Variants in POU6F2 observed in about 807,000 individuals in gnomAD.
POU6F2 encodes POU domain, class 6, transcription factor 2.
POU6F2 carries 31 observed loss-of-function variants against 71.3 expected under a neutral mutation model. The observed-to-expected ratio is 0.43, with a 90% CI of 0.33 to 0.59. POU6F2 has a LOEUF of 0.59. Ranked by LOEUF, POU6F2 falls within the 20% of genes least tolerant of loss-of-function variation. POU6F2 has a pLI of 0.04. For synonymous variants in POU6F2, 347 were observed against 355.7 expected, an observed-to-expected ratio of 0.98 and a Z score of 0.27; for missense variants, 783 against 856.8, an observed-to-expected ratio of 0.91 and a Z score of 1.07.
At chr7:39,425,297 G>A (rs1285220380) in intron 6 of POU6F2, among the ~76,000 whole-genome samples, 2 of 151,828 alleles carry the variant, frequency 1.3e-5, no homozygotes, top group East Asian at 3.9e-4. Flanking sequence ...TTGGGAGTTT[G>A]GTATTTAATT....
chr7:39,381,926 A>G (rs916074679), intron 5 of POU6F2, among the ~76,000 whole-genome samples: 1 of 152,178 alleles, frequency 6.6e-6, no homozygotes, highest in African/African-American at 2.4e-5. Flanking sequence ...TAATTTCATG[A>G]CAAAGTGTAA....
At chr7:39,297,753 T>C (rs1297383576) in intron 4 of POU6F2, among the ~76,000 whole-genome samples, 1 of 152,108 alleles carries the variant, frequency 6.6e-6, no homozygotes, top group Non-Finnish European at 1.5e-5. Context: ...GACTTCAAAC[T>C]ATATTACAAG....
At chr7:39,063,749 A>G (rs1174231054) in intron 1 of POU6F2, among the ~76,000 whole-genome samples, 1 of 150,574 alleles carries the variant, frequency 6.6e-6, no homozygotes, top group African/African-American at 2.4e-5. Context: ...AAAAGAAACA[A>G]TAATTTTATA....
chr7:39,236,209 C>T (rs1218649653), intron 4 of POU6F2, among the ~76,000 whole-genome samples: 3 of 152,148 alleles, frequency 2.0e-5, no homozygotes, highest in African/African-American at 7.2e-5. Flanking sequence ...TCCCCACCTT[C>T]TACATCACAG....
intron 6 of POU6F2, among the ~76,000 whole-genome samples, chr7:39,429,352 T>C (rs1583596026): frequency 6.6e-6 from 1 of 152,186 alleles, no homozygotes; most frequent in African/African-American, 2.4e-5. Context: ...TCCCCACCTT[T>C]CTTCCTCGGA....
intron 1 of POU6F2, among the ~76,000 whole-genome samples, chr7:39,058,173 A>G (rs1007107447): frequency 2.0e-5 from 3 of 152,204 alleles, no homozygotes; most frequent in Non-Finnish European, 4.4e-5. Context: ...AGCATATTTC[A>G]GCTTGTATCC....
At chr7:39,076,418 T>C (rs1200381468) in intron 1 of POU6F2, among the ~76,000 whole-genome samples, 2 of 152,176 alleles carry the variant, frequency 1.3e-5, no homozygotes, top group Admixed American at 1.3e-4. Flanking sequence ...TTTGGAAAAG[T>C]AAATCATTGA....
At chr7:39,343,668 G>T (rs536763761) in intron 5 of POU6F2, among the ~76,000 whole-genome samples, 14 of 152,144 alleles carry the variant, frequency 9.2e-5, no homozygotes, top group Admixed American at 6.5e-4. Context: ...GGTGGAAGAG[G>T]GTAACCGGAG....
chr7:39,082,798 A>G (rs1260596246), intron 1 of POU6F2, among the ~76,000 whole-genome samples: 24 of 128,834 alleles, frequency 1.9e-4, no homozygotes. Flanking sequence ...TGTCATGCAC[A>G]CACACACACA....
At chr7:39,109,349 G>T (rs1791757979) in intron 2 of POU6F2, among the ~76,000 whole-genome samples, 1 of 152,128 alleles carries the variant, frequency 6.6e-6, no homozygotes, top group Admixed American at 6.5e-5. Flanking sequence ...TATTAATTTT[G>T]AATGAAGTAA....
intron 1 of POU6F2, among the ~76,000 whole-genome samples, chr7:39,066,811 A>G (rs1330921841): frequency 1.3e-5 from 2 of 149,672 alleles, no homozygotes; most frequent in Non-Finnish European, 3.0e-5. Context: ...TTTGACAAAG[A>G]AGAATAGCAT....
intron 4 of POU6F2, among the ~76,000 whole-genome samples, chr7:39,228,638 G>A (rs543273543): frequency 1.4e-4 from 21 of 152,318 alleles, no homozygotes; most frequent in East Asian, 7.7e-4. Context: ...GGATGCCGCC[G>A]AGGTCAATAT....
intron 8 of POU6F2, among the ~76,000 whole-genome samples, chr7:39,455,865 T>C (rs1365673724): frequency 6.6e-6 from 1 of 152,172 alleles, no homozygotes; most frequent in Non-Finnish European, 1.5e-5. Context: ...TTAGCACCCA[T>C]AAAAATCTTT....
chr7:39,023,005 G>A (rs1208325002), intron 1 of POU6F2, among the ~76,000 whole-genome samples: 1 of 152,010 alleles, frequency 6.6e-6, no homozygotes, highest in Non-Finnish European at 1.5e-5. Flanking sequence ...CCAGCACTTA[G>A]TATGGTCAGT....
chr7:39,255,094 TTTA>T (rs1212001391), intron 4 of POU6F2, among the ~76,000 whole-genome samples: 1 of 152,210 alleles, frequency 6.6e-6, no homozygotes, highest in African/African-American at 2.4e-5. Flanking sequence ...ACTATATCCT[TTTA>T]TTATAATTGA....
chr7:39,200,850 CAAGAAAAA>C (rs1793882847), intron 2 of POU6F2, among the ~76,000 whole-genome samples: 1 of 75,770 alleles, frequency 1.3e-5, no homozygotes. Flanking sequence ...TCTGTACCAA[CAAGAAAAA>C]AAGAAAAAAA....
chr7:38,980,365 A>G (rs1287244707), intron 1 of POU6F2, among the ~76,000 whole-genome samples: 1 of 152,232 alleles, frequency 6.6e-6, no homozygotes, highest in Non-Finnish European at 1.5e-5. Flanking sequence ...ATATTGTCCT[A>G]TATGTATACC....
intron 2 of POU6F2, among the ~76,000 whole-genome samples, chr7:39,135,926 A>G (rs1296815284): frequency 1.3e-5 from 2 of 152,202 alleles, no homozygotes; most frequent in Non-Finnish European, 2.9e-5. Flanking sequence ...AAGTTCATCA[A>G]AAGTACAATG....
Position 39,086,020 on chromosome 7 carries a change from G to A in POU6F2, c.266G>A (p.Ser89Asn). Residue 89 changes from serine to asparagine, a missense_variant, in exon 2 of 10, where the codon AGC becomes AAC. Ser to Asn is a conservative substitution (Grantham distance 46). Around this residue, in one of 2 missense-constraint regions of POU6F2, gnomAD observed 572 missense variants for 572.9 expected, o/e 1.00. Coordinates refer to ENST00000518318, the MANE Select transcript of POU6F2 (RefSeq NM_001370959.1). ...TCAAATGACAGCGAGGACACTCCCA[G>A]CAAGCTCTTCGGTAAGTCTGTCTAG... ...VESNDSEDTP[S>N]KLFGARGNPA... is the part of the protein sequence containing the mutation. 1 of 1,613,532 alleles carries A rather than the reference G, an allele frequency of 6.2e-7. No individual in the cohort carries two copies.
Sources: allele counts gnomAD v4.1 joint callset (sites outside exome capture counted in the v4.1 genomes callset), GRCh38; gene constraint gnomAD v4.1.1; regional missense constraint gnomAD v4.1.1; transcripts MANE v1.5; gene names NCBI Gene and HGNC (gene_info 2026-07-23, HGNC 2026-07-21).